GRM7: variants seen among roughly 807,000 people sequenced by gnomAD.
GRM7 encodes metabotropic glutamate receptor 7.
GRM7 carries 35 observed loss-of-function variants against 84.5 expected under a neutral mutation model. The ratio of observed to expected loss-of-function variants is 0.41; its 90% CI spans 0.32 to 0.55. The LOEUF is 0.55. Among genes scored for constraint, GRM7 ranks in the 20% least tolerant of loss-of-function variants. GRM7 has a pLI of 0.19. For synonymous variants in GRM7, 487 were observed against 455.1 expected (o/e 1.07, Z -0.89); for missense variants, 1,003 against 1,194.6 (o/e 0.84, Z 2.36).
At chr3:7,734,352 C>G (rs1038437974) in intron 9 of GRM7, among the ~76,000 whole-genome samples, 5 of 152,064 alleles carry the variant, frequency 3.3e-5, no homozygotes, top group African/African-American at 1.2e-4. Context: ...GCTGATGACA[C>G]ATGGCAGCTT....
At chr3:7,215,403 G>T (rs546368773) in intron 2 of GRM7, among the ~76,000 whole-genome samples, 1 of 152,130 alleles carries the variant, frequency 6.6e-6, no homozygotes, top group African/African-American at 2.4e-5. Context: ...GGTGGATCAC[G>T]CCTGTAATCC....
intron 4 of GRM7, among the ~76,000 whole-genome samples, chr3:7,355,011 C>T (rs1326476239): frequency 6.6e-6 from 1 of 152,140 alleles, no homozygotes; most frequent in African/African-American, 2.4e-5. Context: ...ACATTAATGA[C>T]ATGCTGACTG....
intron 7 of GRM7, among the ~76,000 whole-genome samples, chr3:7,525,750 C>G (rs551586268): frequency 6.6e-6 from 1 of 151,918 alleles, no homozygotes; most frequent in Admixed American, 6.6e-5. Flanking sequence ...GTGGTCTCAC[C>G]TTTATGTCCA....
intron 1 of GRM7, among the ~76,000 whole-genome samples, chr3:6,935,349 G>T (rs1697648555): frequency 6.6e-6 from 1 of 151,644 alleles, no homozygotes; most frequent in Non-Finnish European, 1.5e-5. Context: ...AAAGCTGCTA[G>T]GCTTTTTTTT....
chr3:7,605,063 G>T (rs1402197696), intron 8 of GRM7, among the ~76,000 whole-genome samples: 1 of 152,046 alleles, frequency 6.6e-6, no homozygotes, highest in African/African-American at 2.4e-5. Flanking sequence ...GGACTTTTGG[G>T]TAGCAATATC....
intron 1 of GRM7, among the ~76,000 whole-genome samples, chr3:7,043,100 C>T (rs564957445): frequency 1.3e-5 from 2 of 152,314 alleles, no homozygotes; most frequent in South Asian, 2.1e-4. Context: ...ACTTCGGCTA[C>T]TGCTAACGGG....
intron 8 of GRM7, among the ~76,000 whole-genome samples, chr3:7,674,564 A>G (rs1700054377): frequency 6.6e-6 from 1 of 152,248 alleles, no homozygotes; most frequent in Non-Finnish European, 1.5e-5. Context: ...AAATCAAGCT[A>G]ATTAACATAC....
intron 1 of GRM7, among the ~76,000 whole-genome samples, chr3:6,987,612 G>A (rs1237720481): frequency 6.6e-6 from 1 of 152,210 alleles, no homozygotes; most frequent in Non-Finnish European, 1.5e-5. Context: ...ATATGCTGAG[G>A]TGAAGTTTGA....
At chr3:7,468,274 G>A (rs768732698) in intron 7 of GRM7, among the ~76,000 whole-genome samples, 2 of 152,134 alleles carry the variant, frequency 1.3e-5, no homozygotes, top group Non-Finnish European at 2.9e-5. Flanking sequence ...CAACTTGAAG[G>A]CTTCTTTTGT....
intron 7 of GRM7, among the ~76,000 whole-genome samples, chr3:7,568,634 G>A (rs1032525446): frequency 5.9e-5 from 9 of 152,210 alleles, no homozygotes; most frequent in South Asian, 2.1e-4. Context: ...TGCCCCCGGC[G>A]CTTGCGGGCC....
intron 5 of GRM7, among the ~76,000 whole-genome samples, chr3:7,444,094 T>G (rs1458567782): frequency 6.6e-6 from 1 of 152,176 alleles, no homozygotes; most frequent in Non-Finnish European, 1.5e-5. Context: ...TTGATGGTAA[T>G]TGCACAGATT....
intron 1 of GRM7, among the ~76,000 whole-genome samples, chr3:6,948,869 G>A (rs1698194910): frequency 6.6e-6 from 1 of 152,188 alleles, no homozygotes; most frequent in South Asian, 2.1e-4. Context: ...CCAAGACTAA[G>A]ATTGCAACCC....
At chr3:7,331,652 T>C (rs975878018) in intron 4 of GRM7, among the ~76,000 whole-genome samples, 2 of 152,146 alleles carry the variant, frequency 1.3e-5, no homozygotes, top group Non-Finnish European at 2.9e-5. Context: ...TCCACATATT[T>C]CCAGGAGCTT....
chr3:7,484,524 T>G (rs1263514240), intron 7 of GRM7, among the ~76,000 whole-genome samples: 1 of 152,144 alleles, frequency 6.6e-6, no homozygotes, highest in African/African-American at 2.4e-5. Context: ...GAGTAGAAAT[T>G]ACATCACTCT....
chr3:7,349,734 A>C (rs1693050569), intron 4 of GRM7, among the ~76,000 whole-genome samples: 1 of 152,130 alleles, frequency 6.6e-6, no homozygotes, highest in African/African-American at 2.4e-5. Flanking sequence ...GATTCAAACA[A>C]GTTTATATTT....
intron 4 of GRM7, among the ~76,000 whole-genome samples, chr3:7,393,017 C>G (rs1222638977): frequency 6.6e-6 from 1 of 152,136 alleles, no homozygotes; most frequent in Non-Finnish European, 1.5e-5. Flanking sequence ...TCTCAGTATG[C>G]ACCTTGGGCC....
At chr3:7,553,979 C>G (rs1052930249) in intron 7 of GRM7, among the ~76,000 whole-genome samples, 3 of 152,124 alleles carry the variant, frequency 2.0e-5, no homozygotes, top group Non-Finnish European at 4.4e-5. Context: ...TTCAAGAACT[C>G]AACTAATGGG....
chr3:7,307,397 T>C lies in GRM7; in HGVS notation c.1033+745T>C, dbSNP rs149116532. On this transcript the variant is annotated intron_variant, in intron 4 of 9. Coordinates refer to ENST00000357716, the MANE Select transcript of GRM7 (RefSeq NM_000844.4). ...GCTGATAGCCTGCTTTGTGTTCCTT[T>C]TCTGATGGGCCATGTCTCCAAAGAT... 3.7e-3 allele frequency among the ~76,000 whole-genome samples: 557 copies of C among 152,332 alleles called. 3 individuals carry two copies. The highest frequency in any genetic ancestry group is 0.013 in the African/African-American group (533 of 41,586).
chr3:7,592,058 T>G (rs1695808560), intron 8 of GRM7, among the ~76,000 whole-genome samples: 5 of 152,054 alleles, frequency 3.3e-5, no homozygotes. Context: ...ATTGAATGAG[T>G]TAATTCATTC....
Sources: gnomAD v4.1 joint callset for allele counts (sites outside exome capture counted in the v4.1 genomes callset) on GRCh38, gnomAD v4.1.1 for gene constraint, MANE v1.5 for transcripts, NCBI Gene and HGNC (gene_info 2026-07-23, HGNC 2026-07-21) for gene names.